RAPGEF1: variants seen among roughly 807,000 people sequenced by gnomAD.
The protein encoded by RAPGEF1 is Rap guanine nucleotide exchange factor 1, also known as CRK SH3-binding GNRP.
RAPGEF1 carries 33 observed loss-of-function variants against 143.3 expected under a neutral mutation model. That is an observed-to-expected ratio of 0.23 (90% confidence interval 0.17 to 0.31). The LOEUF (loss-of-function observed/expected upper bound fraction) is 0.31, where lower values mean the gene tolerates loss of function less well. Among genes scored for constraint, RAPGEF1 ranks in the 10% least tolerant of loss-of-function variants. The pLI is 1.00. For missense variants in RAPGEF1, 1,199 were observed against 1,645.4 expected (o/e 0.73, Z 4.69); for synonymous variants, 629 against 676.5 (o/e 0.93, Z 1.09).
intron 10 of RAPGEF1, among the ~76,000 whole-genome samples, chr9:131,623,798 A>G (rs1962042528): frequency 6.6e-6 from 1 of 152,244 alleles, no homozygotes; most frequent in African/African-American, 2.4e-5. Flanking sequence ...ATGTCAGTGC[A>G]TCCCAAATGA....
chr9:131,646,843 G>A (rs1379746930), intron 3 of RAPGEF1, among the ~76,000 whole-genome samples: 1 of 152,134 alleles, frequency 6.6e-6, no homozygotes, highest in Admixed American at 6.5e-5. Context: ...GAACAGTGAG[G>A]CCTAGCAAGA....
At chr9:131,735,131 T>G (rs746270305) in intron 1 of RAPGEF1, among the ~76,000 whole-genome samples, 1 of 152,254 alleles carries the variant, frequency 6.6e-6, no homozygotes, top group Non-Finnish European at 1.5e-5. Context: ...ATCTTTGCTG[T>G]GTCCCAAGAA....
chr9:131,715,863 C>CAA (rs145340457), intron 1 of RAPGEF1, among the ~76,000 whole-genome samples: 2,038 of 72,252 alleles, frequency 0.028, 82 homozygotes, highest in African/African-American at 0.075. Context: ...GACTCCCTCT[C>CAA]AAAAAAAAAA....
intron 12 of RAPGEF1, among the ~76,000 whole-genome samples, chr9:131,617,368 C>T (rs983393423): frequency 4.6e-5 from 7 of 152,240 alleles, no homozygotes; most frequent in Non-Finnish European, 1.5e-5. Context: ...GCTGGGGGCT[C>T]TAAGGCGTGA....
Position 131,724,050 on chromosome 9 carries a change from A to C in RAPGEF1, c.61+15720T>G, listed in dbSNP as rs576152454. ...TATTTTATAAAAAGTAGTGAAAATG[A>C]GAAAATGGAATAGTTGATACCAGTG... On this transcript the variant is annotated intron_variant, in intron 1 of 26. Transcript: ENST00000683357. Among the ~76,000 whole-genome samples, 101 of 152,354 alleles carry C rather than the reference A, an allele frequency of 6.6e-4. 1 individual carries two copies. The highest frequency in any genetic ancestry group is 2.3e-3 in the African/African-American group (94 of 41,584).
At chr9:131,586,795 A>C (rs1264626171) in intron 22 of RAPGEF1, among the ~76,000 whole-genome samples, 20 of 20,436 alleles carry the variant, frequency 9.8e-4, no homozygotes, top group Non-Finnish European at 1.1e-3. Context: ...GACTCCGTCA[A>C]ACACACACAC....
At chr9:131,602,174 T>C in intron 14 of RAPGEF1, 25 bp from the exon 15 acceptor site, 2 of 1,546,690 alleles carry the variant, frequency 1.3e-6, no homozygotes, top group Non-Finnish European at 1.8e-6. Context: ...GGGTGCTGAG[T>C]TCTGGACAGG....
chr9:131,709,545 C>G, intron 1 of RAPGEF1: 1 of 1,421,976 alleles, frequency 7.0e-7, no homozygotes, highest in East Asian at 2.3e-5. Flanking sequence ...CACTTCAGCT[C>G]TGCTGCTGGG....
chr9:131,686,509 C>T (rs1217620400), intron 1 of RAPGEF1, among the ~76,000 whole-genome samples: 1 of 152,210 alleles, frequency 6.6e-6, no homozygotes. Flanking sequence ...ACACAAGGAG[C>T]TGCCCAATTG....
At chr9:131,591,791 A>G (rs1310578951) in intron 18 of RAPGEF1, among the ~76,000 whole-genome samples, 1 of 152,168 alleles carries the variant, frequency 6.6e-6, no homozygotes, top group African/African-American at 2.4e-5. Context: ...GGGCATGTCT[A>G]ATTCGTTTTT....
intron 3 of RAPGEF1, among the ~76,000 whole-genome samples, 181 bp from the exon 4 acceptor site, chr9:131,643,598 G>C (rs1272389344): frequency 6.6e-6 from 1 of 152,182 alleles, no homozygotes; most frequent in African/African-American, 2.4e-5. Flanking sequence ...GGGTAGAGCT[G>C]AAGGAAGAAG....
rs1262671388 is a variant in RAPGEF1 at position 131,652,441 on chromosome 9, G to A, written c.62-1492C>T. On this transcript the variant is annotated intron_variant, in intron 1 of 26. Transcript: ENST00000683357. ...AGTTTTAAACTTTTTGTAGCGATGA[G>A]GTCTCACTATGTTGCCCAGGTGGGC... Among the ~76,000 whole-genome samples, 3 of 151,180 alleles carry A rather than the reference G, an allele frequency of 2.0e-5. No homozygotes were observed. The South Asian group carries it at 6.3e-4, about 32-fold the overall frequency.
At chr9:131,696,903 TA>T (rs1222681181) in intron 1 of RAPGEF1, among the ~76,000 whole-genome samples, 1 of 152,244 alleles carries the variant, frequency 6.6e-6, no homozygotes, top group Non-Finnish European at 1.5e-5. Flanking sequence ...TATCGAGGGC[TA>T]ACTCTATGCC....
chr9:131,598,428 G>T, intron 15 of RAPGEF1, 118 bp from the exon 16 acceptor site: 1 of 787,748 alleles, frequency 1.3e-6, no homozygotes, highest in Non-Finnish European at 2.2e-6. Context: ...TGCCTGCCCC[G>T]ATGGCAGCTA....
chr9:131,613,253 TG>T (rs59053706), intron 12 of RAPGEF1, among the ~76,000 whole-genome samples: 91,901 of 151,866 alleles, frequency 0.61, 28,176 homozygotes, highest in African/African-American at 0.69. Context: ...GAAAACACGG[TG>T]GGGGAGAAGA....
chr9:131,657,241 GCAGACAGA>G (rs770965642), intron 1 of RAPGEF1, among the ~76,000 whole-genome samples: 2 of 152,120 alleles, frequency 1.3e-5, no homozygotes, highest in Admixed American at 6.5e-5. Flanking sequence ...AGACAGGCAG[GCAGACAGA>G]CAGACAGACA....
intron 1 of RAPGEF1, among the ~76,000 whole-genome samples, chr9:131,658,183 T>C (rs1178401895): frequency 6.6e-6 from 1 of 152,222 alleles, no homozygotes; most frequent in Non-Finnish European, 1.5e-5. Flanking sequence ...CATTGATTCT[T>C]ACAGATATTG....
At chr9:131,580,426 C>A (rs377281454) in intron 25 of RAPGEF1, 35 bp from the exon 26 acceptor site, 2 of 1,604,302 alleles carry the variant, frequency 1.2e-6, no homozygotes, top group Admixed American at 1.7e-5. Flanking sequence ...GTTACTGCTA[C>A]GGGGTTTGGA....
In RAPGEF1 at chr9:131,739,992, TCCCGCCGCG is replaced by T. The variant is rs978176013; in HGVS notation, c.-171_-163del. On this transcript the variant is annotated 5_prime_UTR_variant, in exon 1 of 27. Coordinates refer to ENST00000683357, the MANE Select transcript of RAPGEF1 (RefSeq NM_001377935.1). ...CTCCAGCCCGCCCGGGCCCAGCCGC[TCCCGCCGCG>T]CCCGCCGCCGCCGCTCCGCCTCCCG... 5.1e-5 allele frequency: 10 copies of T among 195,266 alleles called. No individual in the cohort carries two copies. Among genetic ancestry groups the T allele is most frequent in the South Asian group, 1.7e-4 (1 of 5,808 alleles). 12.1% of individuals were successfully genotyped at this position (195,266 alleles called of 1,614,324 possible). A position where few individuals can be genotyped will look rare whatever the true frequency, so the allele number is the denominator to read the frequency against.
Sources: gnomAD v4.1 joint callset for allele counts (sites outside exome capture counted in the v4.1 genomes callset) on GRCh38, gnomAD v4.1.1 for gene constraint, MANE v1.5 for transcripts, NCBI Gene and HGNC (gene_info 2026-07-23, HGNC 2026-07-21) for gene names.